SHANK2: variants seen among roughly 807,000 people sequenced by gnomAD.
SHANK2 encodes the protein SH3 and multiple ankyrin repeat domains 2, also known as SH3 and multiple ankyrin repeat domains protein 2.
SHANK2 carries 43 observed loss-of-function variants against 133.7 expected under a neutral mutation model. The observed-to-expected ratio is 0.32, with a 90% CI of 0.25 to 0.41. The LOEUF is 0.41. SHANK2 is among the 10% of genes least tolerant of loss of function. The pLI, the probability that SHANK2 is intolerant of heterozygous loss-of-function variation, is 1.00. For missense variants in SHANK2, 1,994 were observed against 2,235.8 expected (o/e 0.89, Z 2.18); for synonymous variants, 1,017 against 952.8 (o/e 1.07, Z -1.24).
chr11:71,101,245 G>GC (rs1951712343), intron 6 of SHANK2, among the ~76,000 whole-genome samples: 1 of 152,090 alleles, frequency 6.6e-6, no homozygotes, highest in Non-Finnish European at 1.5e-5. Context: ...GTGGACCCTG[G>GC]CCCCTGCCTC....
At chr11:70,701,700 G>A (rs1053717935) in intron 14 of SHANK2, among the ~76,000 whole-genome samples, 43 of 152,096 alleles carry the variant, frequency 2.8e-4, no homozygotes, top group Non-Finnish European at 4.7e-4. Flanking sequence ...CACTGCACCC[G>A]GCCAGAAAAA....
rs367727544 is a variant in SHANK2 at position 70,626,483 on chromosome 11, C to T, written c.2061+33345G>A. On this transcript the variant is annotated intron_variant, in intron 17 of 25. Transcript: ENST00000601538. ...TCTCATCTGGTCAAGTTCGACAACC[C>T]CCAGGTGGCAAGCTTTACGCCACAA... 6.6e-5 allele frequency among the ~76,000 whole-genome samples: 10 copies of T among 152,254 alleles called. No individual in the cohort carries two copies. In the East Asian group the frequency reaches 1.7e-3, roughly 26 times the overall value.
At chr11:70,831,787 G>A (rs1404175064) in intron 11 of SHANK2, among the ~76,000 whole-genome samples, 3 of 152,226 alleles carry the variant, frequency 2.0e-5, no homozygotes, top group South Asian at 2.1e-4. Flanking sequence ...AAACATCCTC[G>A]TTCAGTGGCG....
chr11:70,891,765 A>G (rs1555074761), intron 11 of SHANK2, among the ~76,000 whole-genome samples: 1 of 152,004 alleles, frequency 6.6e-6, no homozygotes, highest in African/African-American at 2.4e-5. Flanking sequence ...TCCCCTCTGA[A>G]GGTCTCCTGG....
intron 9 of SHANK2, among the ~76,000 whole-genome samples, chr11:71,065,694 A>G (rs2135948120): frequency 1.6e-5 from 2 of 128,152 alleles, no homozygotes; most frequent in African/African-American, 3.0e-5. Flanking sequence ...GAACTCTTCC[A>G]GGGAGATGAA....
chr11:71,211,646 A>G (rs1954285482), intron 2 of SHANK2, among the ~76,000 whole-genome samples: 1 of 151,294 alleles, frequency 6.6e-6, no homozygotes, highest in African/African-American at 2.4e-5. Flanking sequence ...CATTTGCAAA[A>G]AAAAAAAAAA....
intron 2 of SHANK2, among the ~76,000 whole-genome samples, chr11:71,183,043 G>A (rs1953591477): frequency 6.6e-6 from 1 of 152,114 alleles, no homozygotes; most frequent in Admixed American, 6.5e-5. Flanking sequence ...TGAAACTCTG[G>A]TGAGCTCACT....
At chr11:70,516,314 T>C (rs1458759768) in intron 17 of SHANK2, among the ~76,000 whole-genome samples, 3 of 152,104 alleles carry the variant, frequency 2.0e-5, no homozygotes, top group African/African-American at 7.2e-5. Context: ...AGCCCAGAAA[T>C]AGACCCACAC....
chr11:70,899,880 G>A (rs1555076422), intron 10 of SHANK2, among the ~76,000 whole-genome samples: 1 of 152,236 alleles, frequency 6.6e-6, no homozygotes, highest in Admixed American at 6.5e-5. Flanking sequence ...TGGAGGGCAT[G>A]GGCTCTGGCC....
chr11:70,906,552 TTTA>T (rs1950106902), intron 10 of SHANK2, among the ~76,000 whole-genome samples: 1 of 152,196 alleles, frequency 6.6e-6, no homozygotes, highest in Non-Finnish European at 1.5e-5. Context: ...CAGAGAGCTA[TTTA>T]GAGGCGGCTC....
chr11:70,822,043 A>G (rs1047811707), intron 11 of SHANK2, among the ~76,000 whole-genome samples: 1 of 152,236 alleles, frequency 6.6e-6, no homozygotes, highest in Non-Finnish European at 1.5e-5. Context: ...AGAGCTCCAG[A>G]GCCTAAGACA....
rs1241697597 is a variant in SHANK2 at position 71,168,204 on chromosome 11, T to C, written c.-12-20866A>G. On this transcript the variant is annotated intron_variant, in intron 2 of 25. Transcript: ENST00000601538. ...CCCGCACGGGGCGGCAGGGCAGAGG[T>C]GCTCCCCACATCTCAGACGATGGGC... 2.6e-5 allele frequency among the ~76,000 whole-genome samples: 3 copies of C among 115,024 alleles called. 1 individual carries two copies. The highest frequency in any genetic ancestry group is 5.3e-5 in the Non-Finnish European group (3 of 56,640). The allele number at this position is 115,024 out of a possible 152,430, so 75.5% of individuals were successfully genotyped here.
chr11:70,642,400 C>T (rs1483373191), intron 17 of SHANK2, among the ~76,000 whole-genome samples: 1 of 152,210 alleles, frequency 6.6e-6, no homozygotes, highest in Non-Finnish European at 1.5e-5. Flanking sequence ...AACAAACCAA[C>T]CAGTGAGTGA....
intron 17 of SHANK2, among the ~76,000 whole-genome samples, chr11:70,608,972 C>A (rs1343711441): frequency 6.6e-6 from 1 of 152,258 alleles, no homozygotes; most frequent in Non-Finnish European, 1.5e-5. Context: ...AGAGAGAGCT[C>A]GCTCCTCGCT....
At chr11:71,189,647 G>A (rs563992566) in intron 2 of SHANK2, among the ~76,000 whole-genome samples, 25 of 152,316 alleles carry the variant, frequency 1.6e-4, no homozygotes, top group South Asian at 2.1e-4. Flanking sequence ...CAATTCGCCC[G>A]CGTTGGCCTC....
At chr11:70,534,109 G>A (rs782767799) in intron 17 of SHANK2, among the ~76,000 whole-genome samples, 1 of 152,160 alleles carries the variant, frequency 6.6e-6, no homozygotes, top group Non-Finnish European at 1.5e-5. Flanking sequence ...GTATTAGTCT[G>A]TTTTCCTGCT....
Position 70,815,339 on chromosome 11 carries a change from A to G in SHANK2, c.1493+5025T>C, listed in dbSNP as rs186939740. ...ACTGTGGGGGAGGATGGGGGCAGGG[A>G]CAAGTGTGGGGCGTGTTCCTCTCTC... On this transcript the variant is annotated intron_variant, in intron 12 of 25. Coordinates refer to ENST00000601538, the MANE Select transcript of SHANK2 (RefSeq NM_012309.5). Among the ~76,000 whole-genome samples the G allele has an allele frequency of 3.9e-5, 6 of 152,146 alleles. No individual in the cohort carries two copies. The East Asian group carries it at 9.7e-4, about 25-fold the overall frequency.
At chr11:71,247,912 CAGCCAATCGGGG>C (rs1452861165) in intron 1 of SHANK2, among the ~76,000 whole-genome samples, 1 of 152,220 alleles carries the variant, frequency 6.6e-6, no homozygotes, top group Non-Finnish European at 1.5e-5. Flanking sequence ...TGACATCTGG[CAGCCAATCGGGG>C]AGCCCAGCAT....
At chr11:71,161,694 TGG>T (rs879971190) in intron 2 of SHANK2, among the ~76,000 whole-genome samples, 2 of 152,248 alleles carry the variant, frequency 1.3e-5, no homozygotes, top group Admixed American at 1.3e-4. Context: ...CCCACCTTTT[TGG>T]ACTGAACCAA....
Sources: gnomAD v4.1 joint callset for allele counts (sites outside exome capture counted in the v4.1 genomes callset) on GRCh38, gnomAD v4.1.1 for gene constraint, MANE v1.5 for transcripts, NCBI Gene and HGNC (gene_info 2026-07-23, HGNC 2026-07-21) for gene names.